The following PRKAR2B variants were observed in gnomAD, a reference collection of about 807,000 sequenced individuals.
PRKAR2B encodes cAMP-dependent protein kinase type II-beta regulatory subunit.
A neutral mutation model predicts 49.9 loss-of-function variants in PRKAR2B; 14 were observed. The ratio of observed to expected loss-of-function variants is 0.28; its 90% CI spans 0.19 to 0.44. The LOEUF is 0.44. Among genes scored for constraint, PRKAR2B ranks in the 20% least tolerant of loss-of-function variants. The pLI is 1.00. For missense variants in PRKAR2B, 393 were observed against 537.9 expected (o/e 0.73, Z 2.67); for synonymous variants, 196 against 197.7 (o/e 0.99, Z 0.07).
intron 2 of PRKAR2B, among the ~76,000 whole-genome samples, chr7:107,095,442 C>G (rs188030011): frequency 6.2e-4 from 95 of 152,312 alleles, no homozygotes; most frequent in Admixed American, 9.2e-4. Flanking sequence ...ATCATGTCAT[C>G]TGCAAACAGG....
intron 1 of PRKAR2B, among the ~76,000 whole-genome samples, chr7:107,061,730 C>A (rs1026030599): frequency 5.9e-5 from 9 of 152,076 alleles, no homozygotes; most frequent in African/African-American, 2.2e-4. Context: ...ATGATGAAAC[C>A]CTGTCTCCAC....
chr7:107,051,647 A>T (rs1269668474), intron 1 of PRKAR2B, among the ~76,000 whole-genome samples: 1 of 152,248 alleles, frequency 6.6e-6, no homozygotes, highest in Non-Finnish European at 1.5e-5. Flanking sequence ...ACAACAAAAC[A>T]ATCAAATAAG....
rs552927600 is a variant in PRKAR2B at position 107,110,721 on chromosome 7, A to G, written c.344-11231A>G. On this transcript the variant is annotated intron_variant, in intron 2 of 10. Transcript: ENST00000265717. ...GGACCCAGTACTGGCAGGACCCATCACCTGCAGACTAAAGAGCTTTGGGCC... is the reference window on the plus strand; with the variant it reads ...GGACCCAGTACTGGCAGGACCCATCGCCTGCAGACTAAAGAGCTTTGGGCC... Among the ~76,000 whole-genome samples, 195 of 151,978 alleles carry G rather than the reference A, an allele frequency of 1.3e-3. 1 individual carries two copies. Among genetic ancestry groups the G allele is most frequent in the Middle Eastern group, 6.8e-3 (2 of 294 alleles).
chr7:107,120,176 A>C (rs1795362478), intron 2 of PRKAR2B, among the ~76,000 whole-genome samples: 1 of 152,124 alleles, frequency 6.6e-6, no homozygotes, highest in Non-Finnish European at 1.5e-5. Context: ...TACTGTTGAC[A>C]TTTTGGGCCA....
chr7:107,048,331 C>T (rs2116743460), intron 1 of PRKAR2B, among the ~76,000 whole-genome samples: 1 of 152,206 alleles, frequency 6.6e-6, no homozygotes, highest in African/African-American at 2.4e-5. Context: ...CCTTGAAGCC[C>T]AGGATGATCA....
chr7:107,073,134 T>G (rs1486366195), intron 2 of PRKAR2B, among the ~76,000 whole-genome samples: 1 of 152,208 alleles, frequency 6.6e-6, no homozygotes, highest in African/African-American at 2.4e-5. Context: ...GCTTTTGATA[T>G]TCATACTGCA....
intron 1 of PRKAR2B, among the ~76,000 whole-genome samples, chr7:107,053,990 T>C (rs1793860240): frequency 6.6e-6 from 1 of 152,204 alleles, no homozygotes; most frequent in Non-Finnish European, 1.5e-5. Flanking sequence ...GGATTACCTA[T>C]TAAATAAGTG....
intron 2 of PRKAR2B, among the ~76,000 whole-genome samples, chr7:107,099,838 G>C (rs930703407): frequency 2.0e-5 from 3 of 151,988 alleles, no homozygotes; most frequent in Non-Finnish European, 2.9e-5. Flanking sequence ...GTTTCACCAT[G>C]TTAGCCAGGA....
chr7:107,090,298 C>T (rs1007577807), intron 2 of PRKAR2B, among the ~76,000 whole-genome samples: 9 of 152,174 alleles, frequency 5.9e-5, no homozygotes, highest in Non-Finnish European at 1.0e-4. Flanking sequence ...TGGTGAGGAG[C>T]ATCGCCACTG....
chr7:107,134,114 C>T (rs767955607), intron 4 of PRKAR2B, among the ~76,000 whole-genome samples: 30 of 151,972 alleles, frequency 2.0e-4, no homozygotes, highest in Non-Finnish European at 3.8e-4. Context: ...CTGCAACCTC[C>T]GCCTCCTGGG....
At chr7:107,095,492 A>T (rs538585186) in intron 2 of PRKAR2B, among the ~76,000 whole-genome samples, 2 of 152,230 alleles carry the variant, frequency 1.3e-5, no homozygotes, top group African/African-American at 4.8e-5. Context: ...AATACCCTTT[A>T]TTTCTTTCTC....
chr7:107,064,299 A>G (rs1794087942), intron 1 of PRKAR2B, among the ~76,000 whole-genome samples: 1 of 152,164 alleles, frequency 6.6e-6, no homozygotes, highest in Non-Finnish European at 1.5e-5. Flanking sequence ...TCATTCTATT[A>G]CTTTCATGTT....
chr7:107,090,445 C>A (rs1794715649), intron 2 of PRKAR2B, among the ~76,000 whole-genome samples: 1 of 152,174 alleles, frequency 6.6e-6, no homozygotes, highest in African/African-American at 2.4e-5. Context: ...GTCTCATTTG[C>A]CCCTATGGGG....
intron 4 of PRKAR2B, 124 bp from the exon 5 acceptor site, chr7:107,140,716 TGACAACA>T: frequency 1.8e-6 from 1 of 558,616 alleles, no homozygotes; most frequent in Non-Finnish European, 3.1e-6. Flanking sequence ...TGTATTTTTC[TGACAACA>T]TTTAGTGGTA....
At chr7:107,066,507 T>TA (rs1794149177) in intron 1 of PRKAR2B, 1 of 152,214 alleles carries the variant, frequency 6.6e-6, no homozygotes, top group African/African-American at 2.4e-5. Flanking sequence ...TTACACTAAA[T>TA]AAGCGTCAGT....
chr7:107,049,430 A>C (rs2116744806), intron 1 of PRKAR2B, among the ~76,000 whole-genome samples: 1 of 152,304 alleles, frequency 6.6e-6, no homozygotes, highest in Non-Finnish European at 1.5e-5. Flanking sequence ...ATAAATAGAA[A>C]TTTACCATGT....
At chr7:107,101,072 A>G (rs1018099147) in intron 2 of PRKAR2B, among the ~76,000 whole-genome samples, 2 of 149,434 alleles carry the variant, frequency 1.3e-5, no homozygotes, top group African/African-American at 4.9e-5. Flanking sequence ...AGGACTGGAC[A>G]TTTTAGATTA....
chr7:107,115,020 G>A (rs1795245631), intron 2 of PRKAR2B, among the ~76,000 whole-genome samples: 1 of 152,024 alleles, frequency 6.6e-6, no homozygotes, highest in Non-Finnish European at 1.5e-5. Flanking sequence ...ATGTTTATGA[G>A]ACAGCAGAAT....
At chr7:107,091,646 T>C (rs1029366219) in intron 2 of PRKAR2B, 1 of 152,164 alleles carries the variant, frequency 6.6e-6, no homozygotes, top group African/African-American at 2.4e-5. Flanking sequence ...GCATATAACA[T>C]GGCGTCTAAA....
Sources: allele counts gnomAD v4.1 joint callset (sites outside exome capture counted in the v4.1 genomes callset), GRCh38; gene constraint gnomAD v4.1.1; transcripts MANE v1.5; gene names NCBI Gene and HGNC (gene_info 2026-07-23, HGNC 2026-07-21).